ITPR3: variants seen among roughly 807,000 people sequenced by gnomAD.
ITPR3 encodes the protein inositol 1,4,5-trisphosphate receptor type 3, also known as inositol 1,4,5-trisphosphate-gated calcium channel ITPR3.
A neutral mutation model predicts 293.2 loss-of-function variants in ITPR3; 173 were observed. That is an observed-to-expected ratio of 0.59 (90% CI 0.52 to 0.67). The LOEUF (loss-of-function observed/expected upper bound fraction) is 0.67. Ranked by LOEUF, ITPR3 falls within the 30% of genes least tolerant of loss-of-function variation. The pLI is 0.00. For missense variants in ITPR3, 2,796 were observed against 3,592.1 expected, an observed-to-expected ratio of 0.78 and a Z score of 5.66; for synonymous variants, 1,295 against 1,444.4, an observed-to-expected ratio of 0.90 and a Z score of 2.35.
intron 2 of ITPR3, among the ~76,000 whole-genome samples, chr6:33,647,835 G>A (rs899569673): frequency 6.6e-6 from 1 of 152,010 alleles, no homozygotes; most frequent in Non-Finnish European, 1.5e-5. Context: ...CTCTTCTGTG[G>A]TCATTTTATG....
intron 1 of ITPR3, among the ~76,000 whole-genome samples, chr6:33,629,236 C>T (rs1009799524): frequency 6.6e-6 from 1 of 151,994 alleles, no homozygotes; most frequent in African/African-American, 2.4e-5. Context: ...ATCTTTTTCA[C>T]CTCTAAATAT....
intron 33 of ITPR3, 28 bp downstream of exon 33, chr6:33,680,708 G>C (rs1239810252): frequency 6.3e-7 from 1 of 1,593,254 alleles, no homozygotes; most frequent in Non-Finnish European, 8.6e-7. Flanking sequence ...CACCACCCCA[G>C]GGCCGACTTG....
At position 33,691,587 on chromosome 6, in the gene ITPR3, CTGA is replaced by C; in HGVS notation, c.7226-23_7226-21del. ...GGGATAAGGCCAGGCACTGGACCTC[CTGA>C]TGATCTCATCCATATCCCCTCCAGC... is the stretch of plus-strand genomic sequence containing the variant. On this transcript the variant is annotated intron_variant, in intron 52 of 57. Coordinates refer to ENST00000605930, the MANE Select transcript of ITPR3 (RefSeq NM_002224.4). This position sits in a 1 kb window ranked among gnomAD's most constrained non-coding sequence, Gnocchi z 4.9. The C allele has an allele frequency of 1.3e-6, 2 of 1,594,060 alleles. No individual in the cohort carries two copies. The highest frequency in any genetic ancestry group is 1.7e-6 in the Non-Finnish European group (2 of 1,162,362).
rs141283973 is a variant in ITPR3 at position 33,680,738 on chromosome 6, AG to A, written c.4476+64del. ...GACTTGCCTAGCTTTTGTGAAGGGA[AG>A]GGGGGAAATAAGAATACATATTTAT... is the stretch of plus-strand genomic sequence containing the variant. On this transcript the variant is annotated intron_variant, in intron 33 of 57. Transcript: ENST00000605930. 4.7e-3 allele frequency: 7,315 copies of A among 1,568,110 alleles called. 155 individuals carry two copies. The East Asian group carries it at 0.049, about 10-fold the overall frequency.
At chr6:33,647,118 G>T (rs191500803) in intron 2 of ITPR3, among the ~76,000 whole-genome samples, 2 of 152,114 alleles carry the variant, frequency 1.3e-5, no homozygotes, top group Admixed American at 1.3e-4. Context: ...TGACCTCCTG[G>T]ACTCAAGCAA....
chr6:33,687,908 A>T lies in ITPR3; in HGVS notation c.6265-149A>T. ...CACCAGGTTCTCAAGGCTCAGTCCT[A>T]GTTGGGCTGGGCTTGGCCTGCTCTG... On this transcript the variant is annotated intron_variant, in intron 46 of 57. Coordinates refer to ENST00000605930, the MANE Select transcript of ITPR3 (RefSeq NM_002224.4). The surrounding 1 kb of genome is among the most constrained non-coding windows in gnomAD (Gnocchi z 5.3). 1 of 652,402 alleles carries T rather than the reference A, an allele frequency of 1.5e-6. No homozygotes were observed. The highest frequency in any genetic ancestry group is 2.7e-6 in the Non-Finnish European group (1 of 375,830). 40.4% of individuals were successfully genotyped at this position (652,402 alleles called of 1,614,324 possible).
rs755528499 is a variant in ITPR3, at chr6:33,679,931, C to T, written c.4022C>T (p.Ser1341Leu). ...DVVVFYNDKASLAHLLDMMKA... is the reference protein window; with the variant it reads ...DVVVFYNDKALLAHLLDMMKA... Reference sequence around the variant, plus strand: ...GTCGTGTTCTACAATGATAAGGCATCGCTGGCCCACCTGCTGGACATGATG... The same window carrying T: ...GTCGTGTTCTACAATGATAAGGCATTGCTGGCCCACCTGCTGGACATGATG... The change falls in exon 31 of 58, where the codon TCG becomes TTG. Residue 1341 changes from serine (S) to leucine (L), a missense_variant. Around this residue, in one of 8 missense-constraint regions of ITPR3, gnomAD observed 344 missense variants for 460.3 expected, o/e 0.75. Transcript: ENST00000605930. This position sits in a 1 kb window ranked among gnomAD's most constrained non-coding sequence, Gnocchi z 4.2. 26 of 1,613,740 alleles carry T rather than the reference C, an allele frequency of 1.6e-5. No individual in the cohort carries two copies. Among genetic ancestry groups the T allele is most frequent in the African/African-American group, 2.7e-5 (2 of 74,918 alleles).
chr6:33,662,849 G>T, intron 8 of ITPR3, 62 bp from the exon 9 acceptor site: 3 of 1,530,588 alleles, frequency 2.0e-6, no homozygotes, highest in Middle Eastern at 1.7e-4. Flanking sequence ...AGGCCTCCCT[G>T]GGGTCTGACT....
At position 33,676,847 on chromosome 6, in the gene ITPR3, T is replaced by G. The variant is rs1582149070; in HGVS notation, c.3362T>G (p.Val1121Gly). ...GAGCTGGACCGGCTGCGGACCATGG[T>G]GGAGAAGTCAGAGCTGTGGGTGGAC... ...KSELDRLRTMVEKSELWVDKK... is the reference protein window; with the variant it reads ...KSELDRLRTMGEKSELWVDKK... The change falls in exon 26 of 58, where the codon GTG (valine) becomes GGG (glycine). Residue 1121 changes from valine to glycine, a missense_variant. Around this residue, in one of 8 missense-constraint regions of ITPR3, gnomAD observed 955 missense variants for 1,180.8 expected, o/e 0.81. Transcript: ENST00000605930. The G allele has an allele frequency of 6.2e-7, 1 of 1,613,870 alleles. No homozygotes were observed. The highest frequency in any genetic ancestry group is 8.5e-7 in the Non-Finnish European group (1 of 1,179,898).
intron 43 of ITPR3, among the ~76,000 whole-genome samples, 175 bp from the exon 44 acceptor site, chr6:33,686,834 G>A (rs1765245291): frequency 6.6e-6 from 1 of 152,154 alleles, no homozygotes; most frequent in Non-Finnish European, 1.5e-5. Context: ...AAGCCTATGG[G>A]TGGGCTGGCT....
chr6:33,671,115 C>T lies in ITPR3; in HGVS notation c.2587-50C>T, dbSNP rs376546281. ...TGGCCTGCCCTCCACGAAGCCCCGC[C>T]CCTACGCGCCGGCCCCTCCCACCTC... On this transcript the variant is annotated intron_variant, in intron 20 of 57. Transcript: ENST00000605930. The T allele has an allele frequency of 1.9e-5, 30 of 1,606,692 alleles. No homozygotes were observed. In the East Asian group the frequency reaches 3.4e-4, roughly 18 times the overall value.
rs760366949 is a variant in ITPR3, at chr6:33,670,537, G to A, written c.2402G>A (p.Arg801His). 44 of 1,612,860 alleles carry A rather than the reference G, an allele frequency of 2.7e-5. No homozygotes were observed. Among genetic ancestry groups the A allele is most frequent in the Non-Finnish European group, 3.6e-5 (42 of 1,179,694 alleles). Residue 801 changes from arginine to histidine, a missense_variant, in exon 19 of 58, where the codon CGT becomes CAT. Physicochemically the swap from Arg to His is conservative, Grantham distance 29. Around this residue, in one of 8 missense-constraint regions of ITPR3, gnomAD observed 955 missense variants for 1,180.8 expected, o/e 0.81. Transcript: ENST00000605930. This position sits in a 1 kb window ranked among gnomAD's most constrained non-coding sequence, Gnocchi z 6.7. ...CTGGTCACGCCGGTCAAGTTTGCCC[G>A]TCTCTGGACTGAGATCCCCACAGCC... ...QELVTPVKFARLWTEIPTAIT... is the reference protein window; with the variant it reads ...QELVTPVKFAHLWTEIPTAIT...
In ITPR3 at chr6:33,684,501, A is replaced by C. The variant is rs1765168911; in HGVS notation, c.5046+36A>C. On this transcript the variant is annotated intron_variant, in intron 37 of 57. Transcript: ENST00000605930. The surrounding 1 kb of genome is among the most constrained non-coding windows in gnomAD (Gnocchi z 4.2). ...TGGTGGGGCAAGTGCTGGGTGGGCC[A>C]GTCAGGAGTACCCAGGGGCTCAGGG... 3 of 1,604,684 alleles carry C rather than the reference A, an allele frequency of 1.9e-6. No homozygotes were observed. The highest frequency in any genetic ancestry group is 2.2e-5 in the South Asian group (2 of 90,894).
At chr6:33,689,655 A>G (rs1404651636) in intron 50 of ITPR3, among the ~76,000 whole-genome samples, 1 of 152,270 alleles carries the variant, frequency 6.6e-6, no homozygotes, top group African/African-American at 2.4e-5. Context: ...CAACAGGGTC[A>G]GGGTGGCTGT....
rs1193113642 is a variant in ITPR3, at chr6:33,683,137, T to C, written c.4598-70T>C. On this transcript the variant is annotated intron_variant, in intron 34 of 57. Coordinates refer to ENST00000605930, the MANE Select transcript of ITPR3 (RefSeq NM_002224.4). This position sits in a 1 kb window ranked among gnomAD's most constrained non-coding sequence, Gnocchi z 4.5. Reference sequence around the variant, plus strand: ...ACTCTGTCTCCTGGTGTGGCAGCCCTGAGCCTGGCCTCTGGCTGGCTGAAC... The same window carrying C: ...ACTCTGTCTCCTGGTGTGGCAGCCCCGAGCCTGGCCTCTGGCTGGCTGAAC... 3 of 1,230,700 alleles carry C rather than the reference T, an allele frequency of 2.4e-6. No individual in the cohort carries two copies. Among genetic ancestry groups the C allele is most frequent in the South Asian group, 1.7e-5 (1 of 58,742 alleles). 76.2% of individuals were successfully genotyped at this position (1,230,700 alleles called of 1,614,324 possible).
rs142917245 is a variant in ITPR3, at chr6:33,692,319, C to T, written c.7458+391C>T. On this transcript the variant is annotated intron_variant, in intron 54 of 57. Transcript: ENST00000605930. The surrounding 1 kb of genome is among the most constrained non-coding windows in gnomAD (Gnocchi z 4.2). ...CCCCTGTTGCTTGGGAGTGAGAGGCCGCCTCCCTGGCCAGACAGAGGGTTT... is the reference window on the plus strand; with the variant it reads ...CCCCTGTTGCTTGGGAGTGAGAGGCTGCCTCCCTGGCCAGACAGAGGGTTT... Among the ~76,000 whole-genome samples the T allele has an allele frequency of 3.1e-3, 479 of 152,330 alleles. 8 individuals carry two copies. In the South Asian group the frequency reaches 0.037, roughly 12 times the overall value.
At chr6:33,689,609 G>A (rs978778519) in intron 50 of ITPR3, among the ~76,000 whole-genome samples, 199 bp downstream of exon 50, 1 of 152,246 alleles carries the variant, frequency 6.6e-6, no homozygotes, top group African/African-American at 2.4e-5. Context: ...AGGGCAGCTG[G>A]CACTCAGAGA....
At chr6:33,634,366 C>G (rs1279410712) in intron 1 of ITPR3, among the ~76,000 whole-genome samples, 1 of 152,140 alleles carries the variant, frequency 6.6e-6, no homozygotes, top group African/African-American at 2.4e-5. Context: ...CAGATGATGC[C>G]TGTTTTGCTG....
chr6:33,665,161 G>A lies in ITPR3; in HGVS notation c.1357G>A (p.Ala453Thr). 2.5e-6 allele frequency: 4 copies of A among 1,614,182 alleles called. No individual in the cohort carries two copies. The highest frequency in any genetic ancestry group is 1.3e-5 in the African/African-American group (1 of 75,070). ...DFANDASSML[A>T]SAVEKLNEGF... is the part of the protein sequence containing the mutation. ...TGCCAATGACGCCAGCTCCATGCTG[G>A]CCAGTGCCGTGGAGAAACTCAACGA... The change falls in exon 13 of 58, where the codon GCC becomes ACC. Residue 453 changes from alanine (A) to threonine (T), a missense_variant. Ala to Thr is a moderately conservative substitution (Grantham distance 58). Coordinates refer to ENST00000605930, the MANE Select transcript of ITPR3 (RefSeq NM_002224.4).
Sources: gnomAD v4.1 joint callset for allele counts (sites outside exome capture counted in the v4.1 genomes callset) on GRCh38, gnomAD v4.1.1 for gene constraint, gnomAD v4.1.1 regional missense constraint, Gnocchi (gnomAD v3.1) non-coding constraint, MANE v1.5 for transcripts, NCBI Gene and HGNC (gene_info 2026-07-23, HGNC 2026-07-21) for gene names.